LMBRD1: variants seen among roughly 807,000 people sequenced by gnomAD.
LMBRD1 encodes the protein lysosomal cobalamin transport escort protein LMBD1.
A neutral mutation model predicts 74.8 loss-of-function variants in LMBRD1; 64 were observed. That is an observed-to-expected ratio of 0.86 (90% CI 0.70 to 1.05). LMBRD1 has a LOEUF of 1.05. Among genes scored for constraint, LMBRD1 ranks in the 50% least tolerant of loss-of-function variants. The pLI is 0.00. For missense variants in LMBRD1, 652 were observed against 645.9 expected (o/e 1.01, Z -0.10); for synonymous variants, 204 against 216.3 (o/e 0.94, Z 0.50).
At chr6:69,693,834 C>G (rs1011050686) in intron 14 of LMBRD1, among the ~76,000 whole-genome samples, 1 of 151,830 alleles carries the variant, frequency 6.6e-6, no homozygotes, top group East Asian at 1.9e-4. Flanking sequence ...AAAAAACTAC[C>G]CTGCCACCCC....
At chr6:69,687,140 C>A (rs577293129) in intron 14 of LMBRD1, among the ~76,000 whole-genome samples, 1 of 152,210 alleles carries the variant, frequency 6.6e-6, no homozygotes, top group South Asian at 2.1e-4. Context: ...GCTTGCTATT[C>A]CTCTACCTCC....
At chr6:69,701,416 G>T in intron 11 of LMBRD1, 27 bp downstream of exon 11, 1 of 1,248,206 alleles carries the variant, frequency 8.0e-7, no homozygotes, top group Non-Finnish European at 1.2e-6. Flanking sequence ...AGCAGCTACA[G>T]TATAAAATGA....
intron 8 of LMBRD1, 135 bp from the exon 9 acceptor site, chr6:69,713,932 T>C: frequency 1.2e-6 from 1 of 837,734 alleles, no homozygotes; most frequent in Non-Finnish European, 1.9e-6. Context: ...AAAAAAAACC[T>C]GACAACTGCA....
At chr6:69,723,293 C>G (rs970429366) in intron 7 of LMBRD1, among the ~76,000 whole-genome samples, 1 of 152,150 alleles carries the variant, frequency 6.6e-6, no homozygotes, top group African/African-American at 2.4e-5. Context: ...AAACATCAGA[C>G]TTAACCTGCA....
intron 3 of LMBRD1, among the ~76,000 whole-genome samples, chr6:69,754,806 C>T (rs1765235240): frequency 6.6e-6 from 1 of 152,146 alleles, no homozygotes. Context: ...CAAAAGAAGA[C>T]ATTTATGCAG....
chr6:69,756,398 G>C (rs929040074), intron 3 of LMBRD1, among the ~76,000 whole-genome samples: 4 of 150,810 alleles, frequency 2.7e-5, no homozygotes, highest in African/African-American at 9.8e-5. Flanking sequence ...TATATACATT[G>C]GTCAACAAGT....
At chr6:69,712,938 C>T (rs1191570697) in intron 9 of LMBRD1, among the ~76,000 whole-genome samples, 1 of 151,994 alleles carries the variant, frequency 6.6e-6, no homozygotes, top group Non-Finnish European at 1.5e-5. Flanking sequence ...GCCCATTACC[C>T]AGAATGTGGT....
intron 7 of LMBRD1, among the ~76,000 whole-genome samples, chr6:69,735,727 G>C (rs1324049669): frequency 6.6e-6 from 1 of 152,150 alleles, no homozygotes; most frequent in African/African-American, 2.4e-5. Context: ...CCACCAGAGT[G>C]ATACTGTTAA....
intron 7 of LMBRD1, among the ~76,000 whole-genome samples, chr6:69,732,020 T>C (rs1297921624): frequency 6.6e-6 from 1 of 152,146 alleles, no homozygotes; most frequent in Non-Finnish European, 1.5e-5. Context: ...GATTTTTCCT[T>C]ATAGTGACAC....
chr6:69,795,613 G>C (rs185904430), intron 1 of LMBRD1, among the ~76,000 whole-genome samples: 13 of 152,184 alleles, frequency 8.5e-5, no homozygotes, highest in Admixed American at 6.5e-4. Flanking sequence ...AAAAGCCAGG[G>C]GGCTCTCCAA....
At chr6:69,737,817 C>G in intron 7 of LMBRD1, 125 bp downstream of exon 7, 1 of 738,440 alleles carries the variant, frequency 1.4e-6, no homozygotes, top group Non-Finnish European at 2.3e-6. Flanking sequence ...GTAAAGAAAA[C>G]TGAAGAAAAA....
Position 69,749,427 on chromosome 6 carries a change from A to G in LMBRD1, c.406-19T>C. On this transcript the variant is annotated intron_variant, in intron 4 of 15. Transcript: ENST00000649934. ...TAATTTGCTAGATGCCAAGGAGAAA[A>G]AAGTATAACATTTAGCAAGCCCTTT... 1 of 1,591,706 alleles carries G rather than the reference A, an allele frequency of 6.3e-7. No individual in the cohort carries two copies. The highest frequency in any genetic ancestry group is 1.3e-5 in the African/African-American group (1 of 74,528).
intron 1 of LMBRD1, among the ~76,000 whole-genome samples, chr6:69,794,135 A>G (rs1245278297): frequency 6.6e-6 from 1 of 152,172 alleles, no homozygotes; most frequent in Non-Finnish European, 1.5e-5. Context: ...CTATTCTCAT[A>G]ATAAATACTA....
In LMBRD1 at chr6:69,741,889, A is replaced by G. The variant is rs780855574; in HGVS notation, c.474-12T>C. The G allele has an allele frequency of 1.1e-5, 16 of 1,460,194 alleles. No individual in the cohort carries two copies. Among genetic ancestry groups the G allele is most frequent in the South Asian group, 2.3e-5 (2 of 86,540 alleles). The allele number at this position is 1,460,194 out of a possible 1,614,324, so 90.5% of individuals were successfully genotyped here. A position where few individuals can be genotyped will look rare whatever the true frequency, so the allele number is the denominator to read the frequency against. ...ATGGAACAAAGGCACTACAAAAGAG[A>G]AAATAATTGTTTTAATAGCTTTAAA... is the stretch of plus-strand genomic sequence containing the variant. On this transcript the variant is annotated splice_polypyrimidine_tract_variant and intron_variant, in intron 5 of 15. Transcript: ENST00000649934.
chr6:69,717,115 G>A (rs1255410014), intron 8 of LMBRD1, among the ~76,000 whole-genome samples: 1 of 151,836 alleles, frequency 6.6e-6, no homozygotes, highest in East Asian at 1.9e-4. Context: ...TACAGTTTGT[G>A]GCTATTGTGA....
intron 3 of LMBRD1, among the ~76,000 whole-genome samples, chr6:69,771,761 T>C (rs1253685460): frequency 6.6e-6 from 1 of 152,134 alleles, no homozygotes; most frequent in African/African-American, 2.4e-5. Context: ...AGACGTATCA[T>C]ATTTTTAAAG....
rs571071612 is a variant in LMBRD1, at chr6:69,770,049, G to A, written c.307+10445C>T. 2.8e-4 allele frequency among the ~76,000 whole-genome samples: 43 copies of A among 152,200 alleles called. No homozygotes were observed. In the South Asian group the frequency reaches 8.9e-3, roughly 32 times the overall value. ...AGCCAGGAGTACATGACTAGGTTGG[G>A]CCCTCTCCAGTCTCCAATACACATG... On this transcript the variant is annotated intron_variant, in intron 3 of 15. Transcript: ENST00000649934.
chr6:69,691,613 A>C (rs1263429215), intron 14 of LMBRD1, among the ~76,000 whole-genome samples: 4 of 152,088 alleles, frequency 2.6e-5, no homozygotes, highest in Non-Finnish European at 5.9e-5. Flanking sequence ...ACGTTGGCTC[A>C]AGCCTGTAAT....
chr6:69,696,327 T>G (rs1765995987), intron 14 of LMBRD1, among the ~76,000 whole-genome samples: 1 of 152,200 alleles, frequency 6.6e-6, no homozygotes, highest in Non-Finnish European at 1.5e-5. Context: ...CTCCCCTAAG[T>G]GATTTCCATA....
Sources: gnomAD v4.1 joint callset for allele counts (sites outside exome capture counted in the v4.1 genomes callset) on GRCh38, gnomAD v4.1.1 for gene constraint, MANE v1.5 for transcripts, NCBI Gene and HGNC (gene_info 2026-07-23, HGNC 2026-07-21) for gene names.